ASTN2: variants seen among roughly 807,000 people sequenced by gnomAD.
ASTN2 encodes astrotactin-2.
A neutral mutation model predicts 139.8 loss-of-function variants in ASTN2; 54 were observed. The ratio of observed to expected loss-of-function variants is 0.39; its 90% CI spans 0.31 to 0.48. ASTN2 has a LOEUF of 0.48. Ranked by LOEUF, ASTN2 falls within the 20% of genes least tolerant of loss-of-function variation. The pLI is 0.95. For synonymous variants in ASTN2, 756 were observed against 719.5 expected (o/e 1.05, Z -0.81); for missense variants, 1,565 against 1,725.1 (o/e 0.91, Z 1.64).
chr9:116,457,630 C>T (rs1327900346), intron 20 of ASTN2, among the ~76,000 whole-genome samples: 8 of 152,084 alleles, frequency 5.3e-5, no homozygotes, highest in Non-Finnish European at 2.9e-5. Flanking sequence ...CAGAGAAATG[C>T]AAATCAAAAC....
chr9:116,953,733 T>C (rs1835631710), intron 10 of ASTN2, among the ~76,000 whole-genome samples: 1 of 152,220 alleles, frequency 6.6e-6, no homozygotes, highest in South Asian at 2.1e-4. Context: ...ACTTGATCCT[T>C]GATGGTTTAA....
rs898593026 is a variant in ASTN2 at position 116,423,557 on chromosome 9, C to A, written c.*2294G>T. On this transcript the variant is annotated 3_prime_UTR_variant, in exon 23 of 23. Coordinates refer to ENST00000313400, the MANE Select transcript of ASTN2 (RefSeq NM_001365068.1). ...GCTCTCTGAAAACTTGGGACCCAGGCCCAGCAAACTGATAGCTCTCTGAAG... is the reference window on the plus strand; with the variant it reads ...GCTCTCTGAAAACTTGGGACCCAGGACCAGCAAACTGATAGCTCTCTGAAG... Among the ~76,000 whole-genome samples, 7 of 152,160 alleles carry A rather than the reference C, an allele frequency of 4.6e-5. No individual in the cohort carries two copies. Among genetic ancestry groups the A allele is most frequent in the African/African-American group, 1.4e-4 (6 of 41,436 alleles).
At chr9:116,755,223 A>G (rs1362522090) in intron 13 of ASTN2, among the ~76,000 whole-genome samples, 5 of 152,168 alleles carry the variant, frequency 3.3e-5, no homozygotes, top group African/African-American at 1.2e-4. Context: ...GGAAACTGTG[A>G]ATGACACCTT....
intron 1 of ASTN2, among the ~76,000 whole-genome samples, chr9:117,337,241 G>GA (rs771210088): frequency 5.9e-5 from 9 of 152,196 alleles, no homozygotes; most frequent in Non-Finnish European, 7.4e-5. Context: ...GGCCAATGGA[G>GA]AAAAAATAGT....
At chr9:116,514,458 T>C (rs962976297) in intron 19 of ASTN2, among the ~76,000 whole-genome samples, 1 of 152,186 alleles carries the variant, frequency 6.6e-6, no homozygotes, top group African/African-American at 2.4e-5. Flanking sequence ...AGGGACCCAC[T>C]TGAGGAGGCA....
chr9:117,374,729 C>T (rs879698403), intron 1 of ASTN2, among the ~76,000 whole-genome samples: 4 of 152,144 alleles, frequency 2.6e-5, no homozygotes, highest in Non-Finnish European at 5.9e-5. Context: ...TGAATAAAGC[C>T]TCATTTTGAG....
rs375377942 is a variant in ASTN2, at chr9:117,252,016, TTAAA to T, written c.631-37278_631-37275del. 5.8e-4 allele frequency among the ~76,000 whole-genome samples: 88 copies of T among 152,342 alleles called. No individual in the cohort carries two copies. In the South Asian group the frequency reaches 0.016, roughly 27 times the overall value. On this transcript the variant is annotated intron_variant, in intron 2 of 22. Coordinates refer to ENST00000313400, the MANE Select transcript of ASTN2 (RefSeq NM_001365068.1). ...AAAGTGGCTAGAATAGTCTGTCAAA[TTAAA>T]TTCCTTCAGAACAACCTCTGATAAA...
chr9:116,917,335 CA>C (rs921031175), intron 10 of ASTN2, among the ~76,000 whole-genome samples: 37 of 151,830 alleles, frequency 2.4e-4, no homozygotes, highest in African/African-American at 9.0e-4. Context: ...ATGTCAGCCC[CA>C]CCCCCCAACT....
At chr9:117,231,142 T>C (rs941000854) in intron 2 of ASTN2, among the ~76,000 whole-genome samples, 7 of 152,226 alleles carry the variant, frequency 4.6e-5, no homozygotes, top group Non-Finnish European at 1.0e-4. Flanking sequence ...ATTCAGTATA[T>C]CTCATCTTCC....
rs1397190106 is a variant in ASTN2, at chr9:117,088,803, G to A, written c.1276+7241C>T. 2.6e-5 allele frequency among the ~76,000 whole-genome samples: 4 copies of A among 152,182 alleles called. No homozygotes were observed. In the East Asian group the frequency reaches 5.8e-4, roughly 22 times the overall value. On this transcript the variant is annotated intron_variant, in intron 5 of 22. Transcript: ENST00000313400. ...GCTGAGCAACCTGCAGATGAGAAAA[G>A]CGAGGTCCAGAGAGGGAGACAGATG...
chr9:117,111,696 C>T (rs1829254318), intron 4 of ASTN2, among the ~76,000 whole-genome samples: 1 of 151,986 alleles, frequency 6.6e-6, no homozygotes, highest in Admixed American at 6.6e-5. Context: ...ATTCGCAAAG[C>T]TCATGGAAAA....
At chr9:116,692,676 T>G (rs1860631547) in intron 16 of ASTN2, among the ~76,000 whole-genome samples, 2 of 152,194 alleles carry the variant, frequency 1.3e-5, no homozygotes, top group South Asian at 4.1e-4. Flanking sequence ...CACTCCTAGT[T>G]CGTGTCTTTT....
intron 19 of ASTN2, among the ~76,000 whole-genome samples, chr9:116,590,181 G>A (rs1854322581): frequency 6.6e-6 from 1 of 152,152 alleles, no homozygotes; most frequent in Non-Finnish European, 1.5e-5. Flanking sequence ...CCCACCCTCC[G>A]AGGCACAGTG....
In ASTN2 at chr9:117,107,732, C is replaced by T. The variant is rs902457078; in HGVS notation, c.1169-11581G>A. Among the ~76,000 whole-genome samples, 5 of 152,312 alleles carry T rather than the reference C, an allele frequency of 3.3e-5. No individual in the cohort carries two copies. In the South Asian group the frequency reaches 6.2e-4, roughly 19 times the overall value. ...TTCAGCTTTATTGGCAGCTGACTTA[C>T]ACTCAACATGCCCTCAGTTCCTTGT... On this transcript the variant is annotated intron_variant, in intron 4 of 22. Transcript: ENST00000313400.
At chr9:117,293,197 A>G (rs1834638397) in intron 1 of ASTN2, among the ~76,000 whole-genome samples, 2 of 152,062 alleles carry the variant, frequency 1.3e-5, no homozygotes, top group African/African-American at 2.4e-5. Flanking sequence ...AAGTCATCCA[A>G]CATTCAACCC....
chr9:117,321,943 G>T (rs145950506), intron 1 of ASTN2, among the ~76,000 whole-genome samples: 1 of 152,086 alleles, frequency 6.6e-6, no homozygotes, highest in East Asian at 1.9e-4. Context: ...GAGAACTACT[G>T]CTGTAAAGAG....
chr9:116,586,792 T>C (rs1394724549), intron 19 of ASTN2, among the ~76,000 whole-genome samples: 2 of 125,670 alleles, frequency 1.6e-5, no homozygotes, highest in Admixed American at 8.5e-5. Flanking sequence ...AATCCAAAAA[T>C]CTAAAATACC....
intron 13 of ASTN2, among the ~76,000 whole-genome samples, chr9:116,791,049 A>AAAAG (rs1226610197): frequency 1.1e-4 from 16 of 149,408 alleles, no homozygotes; most frequent in African/African-American, 3.5e-4. Flanking sequence ...GAAAGAAAAG[A>AAAAG]AAAGAAAGAA....
In ASTN2 at chr9:116,425,528, G is replaced by T. The variant is rs758144471; in HGVS notation, c.*323C>A. The stretch of plus-strand genomic sequence containing the variant: ...GCAGGAAGAAGGAAGAAGAGCAAAG[G>T]CCGCTTGGTCTCCACCTGAAAACTT... On this transcript the variant is annotated 3_prime_UTR_variant, in exon 23 of 23. Transcript: ENST00000313400. The T allele has an allele frequency of 3.9e-4, 622 of 1,592,058 alleles. No homozygotes were observed. Among genetic ancestry groups the T allele is most frequent in the South Asian group, 8.4e-4 (75 of 89,740 alleles).
Sources: gnomAD v4.1 joint callset for allele counts (sites outside exome capture counted in the v4.1 genomes callset) on GRCh38, gnomAD v4.1.1 for gene constraint, MANE v1.5 for transcripts, NCBI Gene and HGNC (gene_info 2026-07-23, HGNC 2026-07-21) for gene names.